Variants in DLG2 observed in about 807,000 individuals in gnomAD.
The protein encoded by DLG2 is discs large MAGUK scaffold protein 2.
A neutral mutation model predicts 132.5 loss-of-function variants in DLG2; 45 were observed. The observed-to-expected ratio is 0.34, with a 90% CI of 0.27 to 0.44. The LOEUF (loss-of-function observed/expected upper bound fraction) is 0.44. Ranked by LOEUF, DLG2 falls within the 20% of genes least tolerant of loss-of-function variation. The pLI, the probability that DLG2 is intolerant of heterozygous loss-of-function variation, is 1.00. For synonymous variants in DLG2, 424 were observed against 419.6 expected (o/e 1.01, Z -0.13); for missense variants, 1,045 against 1,196.9 (o/e 0.87, Z 1.87).
intron 6 of DLG2, among the ~76,000 whole-genome samples, chr11:84,949,171 C>G (rs188384424): frequency 9.2e-5 from 14 of 152,088 alleles, no homozygotes; most frequent in Non-Finnish European, 1.9e-4. Context: ...TGGTAGGATC[C>G]GTGATGGCCC....
intron 15 of DLG2, among the ~76,000 whole-genome samples, chr11:83,880,117 G>C (rs1387183574): frequency 6.6e-6 from 1 of 152,130 alleles, no homozygotes; most frequent in African/African-American, 2.4e-5. Flanking sequence ...GCTGACTGTG[G>C]ATGGGCAATG....
chr11:84,007,328 T>C (rs2094618650), intron 11 of DLG2, among the ~76,000 whole-genome samples: 1 of 151,674 alleles, frequency 6.6e-6, no homozygotes, highest in Admixed American at 6.6e-5. Flanking sequence ...TGCTCCCTCA[T>C]TATATTATGT....
chr11:83,848,754 C>A (rs1050928627), intron 16 of DLG2, among the ~76,000 whole-genome samples: 3 of 152,176 alleles, frequency 2.0e-5, no homozygotes, highest in Admixed American at 2.0e-4. Context: ...CCAATACATT[C>A]CTTCTGGCAC....
chr11:84,546,681 C>G, intron 6 of DLG2: 1 of 529,116 alleles, frequency 1.9e-6, no homozygotes, highest in South Asian at 1.5e-5. Flanking sequence ...CCCAAAGGCC[C>G]TGGAGCAATT....
intron 14 of DLG2, among the ~76,000 whole-genome samples, chr11:83,947,944 C>T (rs1045258056): frequency 2.0e-5 from 3 of 152,206 alleles, no homozygotes; most frequent in East Asian, 1.9e-4. Context: ...GGCATCTCTC[C>T]GTCCATTTTG....
intron 3 of DLG2, among the ~76,000 whole-genome samples, chr11:85,292,928 A>C (rs1565279969): frequency 6.6e-6 from 1 of 152,124 alleles, no homozygotes; most frequent in Non-Finnish European, 1.5e-5. Flanking sequence ...CTAGAAAGTA[A>C]GGAAGTGCTC....
intron 3 of DLG2, among the ~76,000 whole-genome samples, chr11:85,550,231 A>AGAG (rs2076581940): frequency 6.6e-6 from 1 of 152,212 alleles, no homozygotes; most frequent in African/African-American, 2.4e-5. Flanking sequence ...CCTCACTGGC[A>AGAG]GAGGACAGCC....
chr11:84,060,474 C>T (rs995496643), intron 10 of DLG2, among the ~76,000 whole-genome samples: 1 of 151,690 alleles, frequency 6.6e-6, no homozygotes, highest in Non-Finnish European at 1.5e-5. Context: ...CTCAGATAAT[C>T]CTGTTCCTAG....
intron 22 of DLG2, among the ~76,000 whole-genome samples, chr11:83,482,268 A>G (rs1026754107): frequency 1.3e-5 from 2 of 152,126 alleles, no homozygotes; most frequent in Non-Finnish European, 2.9e-5. Context: ...GTCCAGTTCA[A>G]TGCAATTTTG....
intron 11 of DLG2, among the ~76,000 whole-genome samples, chr11:84,004,722 G>A (rs1306654700): frequency 6.6e-6 from 1 of 151,800 alleles, no homozygotes; most frequent in Non-Finnish European, 1.5e-5. Flanking sequence ...ATTTAACCAA[G>A]AAAGGGAAAG....
chr11:83,606,741 T>C (rs491632), intron 19 of DLG2, among the ~76,000 whole-genome samples: 109,245 of 151,652 alleles, frequency 0.72, 40,020 homozygotes, highest in African/African-American at 0.86. Context: ...TCCTGGCTAA[T>C]ACATTGAAAC....
At chr11:85,440,518 C>T (rs1020058800) in intron 3 of DLG2, among the ~76,000 whole-genome samples, 66 of 152,212 alleles carry the variant, frequency 4.3e-4, no homozygotes, top group African/African-American at 1.5e-3. Flanking sequence ...TAACTTGCTG[C>T]GTGAAGTTTA....
chr11:84,378,721 G>A (rs1458466362), intron 7 of DLG2, among the ~76,000 whole-genome samples: 1 of 151,512 alleles, frequency 6.6e-6, no homozygotes, highest in Non-Finnish European at 1.5e-5. Flanking sequence ...ACGAGGTCAA[G>A]AGATCAAGTC....
intron 7 of DLG2, among the ~76,000 whole-genome samples, chr11:84,493,797 T>C (rs1184766730): frequency 6.6e-6 from 1 of 152,144 alleles, no homozygotes; most frequent in Non-Finnish European, 1.5e-5. Flanking sequence ...GGCTGGCATA[T>C]AATAGGCACT....
At chr11:84,473,912 C>A (rs2099114969) in intron 7 of DLG2, among the ~76,000 whole-genome samples, 2 of 151,950 alleles carry the variant, frequency 1.3e-5, no homozygotes, top group Admixed American at 1.3e-4. Context: ...ATCTTTATAT[C>A]TAGGTAAAAC....
At chr11:85,201,876 A>G (rs986315279) in intron 4 of DLG2, among the ~76,000 whole-genome samples, 1 of 151,422 alleles carries the variant, frequency 6.6e-6, no homozygotes, top group Non-Finnish European at 1.5e-5. Context: ...GAAATTTGTC[A>G]GAGAAATGTA....
At chr11:84,995,247 C>A (rs889473421) in intron 6 of DLG2, among the ~76,000 whole-genome samples, 1 of 152,098 alleles carries the variant, frequency 6.6e-6, no homozygotes, top group African/African-American at 2.4e-5. Flanking sequence ...GAGTACCTGG[C>A]AATAATTTGT....
chr11:83,747,551 G>A (rs2093011281), intron 18 of DLG2, among the ~76,000 whole-genome samples: 1 of 152,008 alleles, frequency 6.6e-6, no homozygotes, highest in African/African-American at 2.4e-5. Flanking sequence ...GTGTATTTTT[G>A]TAGAGATGGG....
chr11:84,315,342 A>C (rs1366770394), intron 7 of DLG2, among the ~76,000 whole-genome samples: 1 of 152,186 alleles, frequency 6.6e-6, no homozygotes, highest in East Asian at 1.9e-4. Flanking sequence ...CGAAATAAAA[A>C]GTATGTTACA....
Sources: gnomAD v4.1 joint callset for allele counts (sites outside exome capture counted in the v4.1 genomes callset) on GRCh38, gnomAD v4.1.1 for gene constraint, MANE v1.5 for transcripts, NCBI Gene and HGNC (gene_info 2026-07-23, HGNC 2026-07-21) for gene names.